Variants in DOCK4 observed in about 807,000 individuals in gnomAD.
DOCK4 encodes the protein dedicator of cytokinesis 4.
DOCK4 carries 97 observed loss-of-function variants against 268.1 expected under a neutral mutation model. That is an observed-to-expected ratio of 0.36 (90% CI 0.31 to 0.43). The LOEUF is 0.43. Ranked by LOEUF, DOCK4 falls within the 20% of genes least tolerant of loss-of-function variation. The pLI, the probability that DOCK4 is intolerant of heterozygous loss-of-function variation, is 1.00. For synonymous variants in DOCK4, 954 were observed against 887.2 expected (o/e 1.08, Z -1.34); for missense variants, 2,145 against 2,455.7 (o/e 0.87, Z 2.67).
At chr7:112,138,867 CCA>C (rs1814616918) in intron 1 of DOCK4, among the ~76,000 whole-genome samples, 1 of 152,080 alleles carries the variant, frequency 6.6e-6, no homozygotes, top group African/African-American at 2.4e-5. Flanking sequence ...CAAGAAAAAG[CCA>C]CAGTGAGAAG....
chr7:111,736,882 ACACATT>A, intron 50 of DOCK4, 29 bp downstream of exon 50: 1 of 1,564,132 alleles, frequency 6.4e-7, no homozygotes, highest in Non-Finnish European at 8.7e-7. Context: ...ACAAGCCCTT[ACACATT>A]CCAGGACTGA....
intron 11 of DOCK4, among the ~76,000 whole-genome samples, chr7:111,938,058 T>G (rs1252482269): frequency 6.6e-6 from 1 of 152,220 alleles, no homozygotes; most frequent in African/African-American, 2.4e-5. Context: ...AAGGGTATCA[T>G]GGATTTAAGC....
At chr7:111,864,426 T>A (rs1209756713) in intron 22 of DOCK4, among the ~76,000 whole-genome samples, 1 of 152,120 alleles carries the variant, frequency 6.6e-6, no homozygotes, top group African/African-American at 2.4e-5. Flanking sequence ...CTGTACCTAG[T>A]CAGGGAAGGA....
intron 12 of DOCK4, 76 bp from the exon 13 acceptor site, chr7:111,915,980 G>T: frequency 6.8e-7 from 1 of 1,477,468 alleles, no homozygotes; most frequent in Non-Finnish European, 9.2e-7. Context: ...GTTGCAACAA[G>T]CCCAAATTTA....
At chr7:111,993,032 C>G (rs1248355738) in intron 5 of DOCK4, among the ~76,000 whole-genome samples, 1 of 152,206 alleles carries the variant, frequency 6.6e-6, no homozygotes, top group Non-Finnish European at 1.5e-5. Flanking sequence ...CGCCAATTCA[C>G]CTAAGGTTTC....
At chr7:112,108,077 A>C (rs535597619) in intron 1 of DOCK4, among the ~76,000 whole-genome samples, 6 of 152,360 alleles carry the variant, frequency 3.9e-5, no homozygotes, top group Non-Finnish European at 8.8e-5. Flanking sequence ...TCCTATTTGT[A>C]AGAAAAACAC....
intron 12 of DOCK4, among the ~76,000 whole-genome samples, chr7:111,921,528 AC>A (rs1793137767): frequency 6.6e-6 from 1 of 152,222 alleles, no homozygotes; most frequent in Non-Finnish European, 1.5e-5. Flanking sequence ...ACATGTAGCT[AC>A]GAATGCACAG....
chr7:111,956,178 A>G (rs1796433820), intron 8 of DOCK4, among the ~76,000 whole-genome samples: 1 of 152,208 alleles, frequency 6.6e-6, no homozygotes, highest in African/African-American at 2.4e-5. Context: ...ACTCTGATCT[A>G]TATTCAGAAA....
intron 36 of DOCK4, among the ~76,000 whole-genome samples, chr7:111,771,687 T>C (rs192917915): frequency 2.6e-5 from 4 of 152,340 alleles, no homozygotes; most frequent in African/African-American, 9.6e-5. Flanking sequence ...ATCATTATAA[T>C]AAACGCTAAG....
intron 23 of DOCK4, among the ~76,000 whole-genome samples, chr7:111,849,807 AG>A (rs1804402721): frequency 6.6e-6 from 1 of 152,142 alleles, no homozygotes; most frequent in Non-Finnish European, 1.5e-5. Context: ...CTGAAGATGA[AG>A]GGTGCAACAC....
intron 1 of DOCK4, among the ~76,000 whole-genome samples, chr7:112,098,719 T>C (rs1168056293): frequency 4.7e-5 from 7 of 150,246 alleles, no homozygotes; most frequent in Non-Finnish European, 7.4e-5. Flanking sequence ...CATAATTATA[T>C]AGATTATGTA....
intron 16 of DOCK4, among the ~76,000 whole-genome samples, chr7:111,882,992 A>G (rs1807535562): frequency 6.6e-6 from 1 of 152,218 alleles, no homozygotes; most frequent in Non-Finnish European, 1.5e-5. Context: ...ATGTTCTAAT[A>G]CACCTGTCCA....
intron 1 of DOCK4, among the ~76,000 whole-genome samples, chr7:112,037,836 T>C (rs897562723): frequency 6.6e-6 from 1 of 152,176 alleles, no homozygotes; most frequent in Non-Finnish European, 1.5e-5. Context: ...ATAGGGTCTA[T>C]ATCATTTTAC....
chr7:111,896,503 T>TC (rs58636121), intron 15 of DOCK4, among the ~76,000 whole-genome samples: 3,718 of 151,574 alleles, frequency 0.025, 117 homozygotes, highest in African/African-American at 0.085. Context: ...TTTTTTTTTT[T>TC]TTTCCTCCAA....
rs556589550 is a variant in DOCK4, at chr7:111,962,000, A to G, written c.701+15132T>C. 2.6e-5 allele frequency among the ~76,000 whole-genome samples: 4 copies of G among 152,350 alleles called. No individual in the cohort carries two copies. In the East Asian group the frequency reaches 7.7e-4, roughly 29 times the overall value. ...ATGCTAGAAGTTCAACCAAGAGCTC[A>G]TATACCTATCACAGGGAATTCATAA... On this transcript the variant is annotated intron_variant, in intron 8 of 52. Transcript: ENST00000428084.
Position 111,758,738 on chromosome 7 carries a change from C to T in DOCK4, c.4215G>A (p.Gln1405=), listed in dbSNP as rs370815463. 654 of 1,614,002 alleles carry T rather than the reference C, an allele frequency of 4.1e-4. No individual in the cohort carries two copies. Among genetic ancestry groups the T allele is most frequent in the Middle Eastern group, 9.9e-4 (6 of 6,062 alleles). Residue 1405 remains glutamine (Q), a synonymous_variant, in exon 41 of 53, where the codon CAG becomes CAA. Transcript: ENST00000428084. ...TGATGTTGTCCGGAACACCCTCTCT[C>T]TGCAGGACCTCCTGGCTCTCTGGAA... ...TPIPESQEVL[Q]REGVPDNIKS...
chr7:111,781,507 C>T (rs1798781143), intron 35 of DOCK4, among the ~76,000 whole-genome samples: 1 of 152,156 alleles, frequency 6.6e-6, no homozygotes. Context: ...GGGCTAATGG[C>T]CTGCAGGTTA....
chr7:112,008,465 T>C (rs780462322), intron 1 of DOCK4, among the ~76,000 whole-genome samples: 3 of 152,164 alleles, frequency 2.0e-5, no homozygotes, highest in Non-Finnish European at 2.9e-5. Context: ...GTATTGACAG[T>C]TTATTAAGAA....
intron 2 of DOCK4, among the ~76,000 whole-genome samples, chr7:112,001,965 T>C (rs1322299622): frequency 6.6e-6 from 1 of 152,184 alleles, no homozygotes; most frequent in Non-Finnish European, 1.5e-5. Context: ...ATATATATTG[T>C]ATTTTTTCAA....
Sources: allele counts gnomAD v4.1 joint callset (sites outside exome capture counted in the v4.1 genomes callset), GRCh38; gene constraint gnomAD v4.1.1; transcripts MANE v1.5; gene names NCBI Gene and HGNC (gene_info 2026-07-23, HGNC 2026-07-21).